PRKCH: variants seen among roughly 807,000 people sequenced by gnomAD.
PRKCH encodes protein kinase C eta type.
PRKCH carries 28 observed loss-of-function variants against 82.5 expected under a neutral mutation model. The ratio of observed to expected loss-of-function variants is 0.34; its 90% CI spans 0.25 to 0.47. The LOEUF (loss-of-function observed/expected upper bound fraction) is 0.47. Among genes scored for constraint, PRKCH ranks in the 20% least tolerant of loss-of-function variants. PRKCH has a pLI of 1.00. For missense variants in PRKCH, 705 were observed against 881.8 expected (o/e 0.80, Z 2.54); for synonymous variants, 322 against 327.4 (o/e 0.98, Z 0.18).
At chr14:61,474,873 C>T (rs1442755215) in intron 9 of PRKCH, among the ~76,000 whole-genome samples, 1 of 152,106 alleles carries the variant, frequency 6.6e-6, no homozygotes, top group East Asian at 1.9e-4. Flanking sequence ...AAACTTCGGC[C>T]CGTGCATCAG....
intron 1 of PRKCH, among the ~76,000 whole-genome samples, chr14:61,384,529 A>C (rs2046558529): frequency 6.6e-6 from 1 of 152,080 alleles, no homozygotes; most frequent in African/African-American, 2.4e-5. Context: ...AGGACAGAGC[A>C]CCAGGACCCA....
At chr14:61,236,135 C>T (rs777728589) in intron 1 of PRKCH, among the ~76,000 whole-genome samples, 14 of 151,942 alleles carry the variant, frequency 9.2e-5, no homozygotes, top group African/African-American at 2.9e-4. Context: ...TTTGGAAGGC[C>T]GAGGCGGGCA....
At chr14:61,271,897 A>T (rs1419799559) in intron 1 of PRKCH, among the ~76,000 whole-genome samples, 1 of 152,130 alleles carries the variant, frequency 6.6e-6, no homozygotes, top group Non-Finnish European at 1.5e-5. Flanking sequence ...TCTGTTTCTG[A>T]ATTTGCATAA....
At chr14:61,257,507 A>G (rs560958085) in intron 1 of PRKCH, among the ~76,000 whole-genome samples, 2 of 152,062 alleles carry the variant, frequency 1.3e-5, no homozygotes, top group East Asian at 3.9e-4. Context: ...ATAAAAACTC[A>G]TTTTAATGTT....
chr14:61,231,050 G>T (rs904499078), intron 1 of PRKCH, among the ~76,000 whole-genome samples: 1 of 152,130 alleles, frequency 6.6e-6, no homozygotes, highest in Admixed American at 6.5e-5. Context: ...AAGTTCAAGG[G>T]CAGGAAAATG....
chr14:61,391,844 T>C (rs1391547237), intron 2 of PRKCH, among the ~76,000 whole-genome samples: 1 of 152,182 alleles, frequency 6.6e-6, no homozygotes, highest in Non-Finnish European at 1.5e-5. Context: ...TGCATACAAC[T>C]GCATAACCAG....
intron 2 of PRKCH, among the ~76,000 whole-genome samples, chr14:61,407,667 T>C (rs747151802): frequency 5.9e-5 from 9 of 152,190 alleles, no homozygotes; most frequent in Non-Finnish European, 1.0e-4. Context: ...ACGTCCTCAT[T>C]TGAGACTTTT....
At chr14:61,432,369 C>A (rs759770170) in intron 2 of PRKCH, among the ~76,000 whole-genome samples, 1 of 152,164 alleles carries the variant, frequency 6.6e-6, no homozygotes, top group Non-Finnish European at 1.5e-5. Context: ...AACCTTCCCT[C>A]GAACATTTCC....
chr14:61,545,924 G>C (rs900386060), intron 12 of PRKCH, among the ~76,000 whole-genome samples: 1 of 152,194 alleles, frequency 6.6e-6, no homozygotes, highest in Non-Finnish European at 1.5e-5. Context: ...CAGAAGAACA[G>C]GCTGTACCCA....
intron 2 of PRKCH, among the ~76,000 whole-genome samples, chr14:61,412,067 G>A (rs533425276): frequency 2.0e-5 from 3 of 152,146 alleles, no homozygotes; most frequent in Non-Finnish European, 4.4e-5. Flanking sequence ...GAGTAACTTA[G>A]CTGTGTCCCA....
At chr14:61,434,402 A>C (rs911135808) in intron 2 of PRKCH, among the ~76,000 whole-genome samples, 12 of 152,162 alleles carry the variant, frequency 7.9e-5, no homozygotes, top group African/African-American at 2.9e-4. Context: ...GGAATGTTTA[A>C]TTTTCATGTA....
chr14:61,512,249 C>CTTTT lies in PRKCH; in HGVS notation c.1434-16806_1434-16803dup, dbSNP rs11342820. Among the ~76,000 whole-genome samples the CTTTT allele has an allele frequency of 2.2e-4, 26 of 118,520 alleles. 1 individual carries two copies. The highest frequency in any genetic ancestry group is 8.9e-4 in the African/African-American group (26 of 29,190). The allele number at this position is 118,520 out of a possible 152,430, so 77.8% of individuals were successfully genotyped here. A position where few individuals can be genotyped will look rare whatever the true frequency, so the allele number is the denominator to read the frequency against. On this transcript the variant is annotated intron_variant, in intron 10 of 13. Transcript: ENST00000332981. ...AAACTGGGCAGATGATCACATGACC[C>CTTTT]TTTTTTTTTTTTTTTTTTTTTTTAA...
intron 9 of PRKCH, among the ~76,000 whole-genome samples, chr14:61,464,221 C>T (rs12433579): frequency 0.19 from 28,865 of 152,138 alleles, 3,458 homozygotes; most frequent in Admixed American, 0.26. Flanking sequence ...ACATCCTCTT[C>T]AACACCTGTT....
Position 61,280,693 on chromosome 14 carries a change from C to A in PRKCH, c.-19+93025C>A. 3.2e-6 allele frequency: 5 copies of A among 1,578,086 alleles called. No homozygotes were observed. Among genetic ancestry groups the A allele is most frequent in the Non-Finnish European group, 4.3e-6 (5 of 1,164,732 alleles). On this transcript the variant is annotated intron_variant, in intron 1 of 3. Transcript: ENST00000555185. The surrounding 1 kb of genome is among the most constrained non-coding windows in gnomAD (Gnocchi z 5.0). ...CGCGATGGGCAGGCCGGCCGCGCTG[C>A]GCTGGTAGGGGGCGCACTCGTTGAC...
rs188235672 is a variant in PRKCH, at chr14:61,378,503, G to T, written c.364-12722G>T. On this transcript the variant is annotated intron_variant, in intron 1 of 13. Transcript: ENST00000332981. Reference sequence around the variant, plus strand: ...TTACAGATGTGAGCCGCCACACCCAGCACTGAATAGTGCTTTTGATGTTGC... The same window carrying T: ...TTACAGATGTGAGCCGCCACACCCATCACTGAATAGTGCTTTTGATGTTGC... Among the ~76,000 whole-genome samples the T allele has an allele frequency of 8.4e-3, 1,284 of 152,224 alleles. 17 individuals are homozygous for T. The highest frequency in any genetic ancestry group is 0.029 in the African/African-American group (1,225 of 41,544).
chr14:61,541,810 G>A (rs1333794390), intron 12 of PRKCH, among the ~76,000 whole-genome samples: 1 of 152,180 alleles, frequency 6.6e-6, no homozygotes, highest in African/African-American at 2.4e-5. Context: ...TAATGACACA[G>A]CGTTAAACTC....
At chr14:61,302,257 A>G (rs2045453537) in intron 1 of PRKCH, among the ~76,000 whole-genome samples, 1 of 152,236 alleles carries the variant, frequency 6.6e-6, no homozygotes, top group African/African-American at 2.4e-5. Context: ...TAAGCAAATT[A>G]TAGGCTGTGA....
intron 1 of PRKCH, among the ~76,000 whole-genome samples, chr14:61,355,589 ATCT>A (rs2046137404): frequency 6.6e-6 from 1 of 152,164 alleles, no homozygotes; most frequent in South Asian, 2.1e-4. Context: ...ACCAAAATTT[ATCT>A]TCTTACCTTT....
chr14:61,260,810 G>A (rs1056433086), intron 1 of PRKCH, among the ~76,000 whole-genome samples: 2 of 151,994 alleles, frequency 1.3e-5, no homozygotes, highest in East Asian at 1.9e-4. Flanking sequence ...TAACCTTTGC[G>A]GATAATCACA....
Sources: gnomAD v4.1 joint callset for allele counts (sites outside exome capture counted in the v4.1 genomes callset) on GRCh38, gnomAD v4.1.1 for gene constraint, Gnocchi (gnomAD v3.1) non-coding constraint, MANE v1.5 for transcripts, NCBI Gene and HGNC (gene_info 2026-07-23, HGNC 2026-07-21) for gene names.